GFI1B: variants seen among roughly 807,000 people sequenced by gnomAD.
The protein encoded by GFI1B is zinc finger protein Gfi-1b.
Under a neutral mutation model 35.3 loss-of-function variants are expected in GFI1B, and 20 were observed. The ratio of observed to expected loss-of-function variants is 0.57; its 90% CI spans 0.40 to 0.82. GFI1B has a LOEUF of 0.82. GFI1B is among the 40% of genes least tolerant of loss of function. GFI1B has a pLI of 0.00. For missense variants in GFI1B, 430 were observed against 446.3 expected (o/e 0.96, Z 0.33); for synonymous variants, 178 against 177.6 (o/e 1.00, Z -0.02).
intron 1 of GFI1B, among the ~76,000 whole-genome samples, chr9:132,982,924 A>G (rs1326039268): frequency 6.6e-6 from 1 of 152,142 alleles, no homozygotes; most frequent in Non-Finnish European, 1.5e-5. Flanking sequence ...GGAGAACCCC[A>G]GAAGCCAGCC....
intron 1 of GFI1B, among the ~76,000 whole-genome samples, chr9:132,980,124 T>C (rs939859764): frequency 6.6e-6 from 1 of 151,764 alleles, no homozygotes; most frequent in Non-Finnish European, 1.5e-5. Flanking sequence ...AGAGAGTTCT[T>C]GGGGAACATT....
chr9:132,975,939 G>C (rs968056749), upstream of GFI1B, among the ~76,000 whole-genome samples: 11 of 152,164 alleles, frequency 7.2e-5, no homozygotes, highest in Non-Finnish European at 1.5e-4. Context: ...GGGACTCCTG[G>C]CTTCAACTGC....
In GFI1B at chr9:132,991,210, A is replaced by G. The variant is rs1016984002; in HGVS notation, c.*160A>G. Reference sequence around the variant, plus strand: ...TGAAATTGCTGTGTGACCTTGGGCAAGTCACTTACCCTGTCTGGATCAACA... The same window carrying G: ...TGAAATTGCTGTGTGACCTTGGGCAGGTCACTTACCCTGTCTGGATCAACA... On this transcript the variant is annotated 3_prime_UTR_variant, in exon 7 of 7. Transcript: ENST00000372122. 110 of 681,764 alleles carry G rather than the reference A, an allele frequency of 1.6e-4. No individual in the cohort carries two copies. The highest frequency in any genetic ancestry group is 2.2e-4 in the Admixed American group (10 of 45,104). The allele number at this position is 681,764 out of a possible 1,614,324, so 42.2% of individuals were successfully genotyped here.
At chr9:132,990,813 C>T in intron 6 of GFI1B, 59 bp from the exon 7 acceptor site, 1 of 1,522,926 alleles carries the variant, frequency 6.6e-7, no homozygotes. Flanking sequence ...AGGGGAGCAG[C>T]AGGCCTGGTG....
chr9:132,975,727 A>C (rs11243967), upstream of GFI1B, among the ~76,000 whole-genome samples: 6,153 of 152,264 alleles, frequency 0.04, 210 homozygotes, highest in East Asian at 0.15. Context: ...AAAGGTACCT[A>C]ATGGTAACTG....
At chr9:132,949,751 A>T (rs1201521351) in intron 1 of GFI1B, 1 of 152,716 alleles carries the variant, frequency 6.5e-6, no homozygotes, top group Non-Finnish European at 1.5e-5. Context: ...AGCTGTGGCC[A>T]CAGAGAGGAA....
intron 1 of GFI1B, among the ~76,000 whole-genome samples, chr9:132,983,190 C>CTTTTT (rs66711864): frequency 1.3e-4 from 13 of 98,630 alleles, no homozygotes; most frequent in Admixed American, 2.6e-4. Flanking sequence ...TTTCTCCCTC[C>CTTTTT]TTTTTTTTTT....
chr9:132,977,606 C>A (rs1848668616), upstream of GFI1B, among the ~76,000 whole-genome samples: 1 of 152,172 alleles, frequency 6.6e-6, no homozygotes, highest in African/African-American at 2.4e-5. Flanking sequence ...GCGTTCTCAT[C>A]TTATGCAAAA....
rs996582904 is a variant in GFI1B at position 132,969,637 on chromosome 9, G to C, written c.-700-3088G>C. On this transcript the variant is annotated intron_variant, in intron 1 of 10. Transcript: ENST00000339463. ...TTCCGCGTGCCTTTCAGTGCGTTTG[G>C]GTCTATACCCGTGCGTGGGATTGCT... 2.0e-5 allele frequency among the ~76,000 whole-genome samples: 3 copies of C among 152,134 alleles called. 1 individual carries two copies. Among genetic ancestry groups the C allele is most frequent in the Admixed American group, 2.0e-4 (3 of 15,268 alleles).
intron 1 of GFI1B, among the ~76,000 whole-genome samples, chr9:132,950,033 C>T (rs1191052371): frequency 6.6e-6 from 1 of 152,022 alleles, no homozygotes; most frequent in African/African-American, 2.4e-5. Context: ...GATCACTTGA[C>T]CCCAGAATGT....
upstream of GFI1B, among the ~76,000 whole-genome samples, chr9:132,976,932 C>G (rs564629745): frequency 2.1e-4 from 32 of 152,126 alleles, no homozygotes; most frequent in Non-Finnish European, 3.4e-4. Context: ...ACAAAGCCAA[C>G]TCCTGTCTCT....
intron 1 of GFI1B, among the ~76,000 whole-genome samples, chr9:132,956,857 T>G (rs1042873794): frequency 1.3e-4 from 20 of 152,180 alleles, no homozygotes; most frequent in Non-Finnish European, 2.5e-4. Flanking sequence ...GGTGCTACAG[T>G]CATCCCAAGG....
At chr9:132,959,755 G>A (rs891970935) in intron 1 of GFI1B, among the ~76,000 whole-genome samples, 24 of 152,314 alleles carry the variant, frequency 1.6e-4, no homozygotes, top group Non-Finnish European at 2.9e-4. Flanking sequence ...AGCTTCTGGT[G>A]GTCACTGGCC....
At chr9:132,973,315 T>G (rs923376186) in intron 2 of GFI1B, among the ~76,000 whole-genome samples, 2 of 152,194 alleles carry the variant, frequency 1.3e-5, no homozygotes, top group Non-Finnish European at 2.9e-5. Flanking sequence ...CCAGCCCACC[T>G]GCACCTGCCG....
At chr9:132,969,274 G>A (rs567564551) in intron 1 of GFI1B, among the ~76,000 whole-genome samples, 7 of 152,148 alleles carry the variant, frequency 4.6e-5, no homozygotes, top group East Asian at 3.9e-4. Context: ...CAGGAGATCC[G>A]CCTGCCTCAG....
chr9:132,976,202 TG>T (rs1377108735), upstream of GFI1B, among the ~76,000 whole-genome samples: 1 of 149,798 alleles, frequency 6.7e-6, no homozygotes. Context: ...AGATAAACCA[TG>T]AAACCATTAA....
chr9:132,963,081 CAAAAAAA>C (rs763899545), intron 1 of GFI1B, among the ~76,000 whole-genome samples: 69 of 47,968 alleles, frequency 1.4e-3, no homozygotes, highest in Middle Eastern at 0.013. Context: ...GACTCCATCT[CAAAAAAA>C]AAAAAAAAAA....
At chr9:132,966,224 T>TGGC (rs1275757022) in intron 1 of GFI1B, among the ~76,000 whole-genome samples, 4 of 152,096 alleles carry the variant, frequency 2.6e-5, no homozygotes, top group Admixed American at 6.6e-5. Flanking sequence ...TCAGGTGTGG[T>TGGC]GGCGCGTACC....
At chr9:132,947,417 AAAAAAAAAAAAAAG>A (rs1449067085) in intron 1 of GFI1B, among the ~76,000 whole-genome samples, 2 of 135,408 alleles carry the variant, frequency 1.5e-5, no homozygotes, top group Non-Finnish European at 3.3e-5. Flanking sequence ...TCGAGCAAAA[AAAAAAAAAAAAAAG>A]AAAGAAAAAG....
Sources: allele counts gnomAD v4.1 joint callset (sites outside exome capture counted in the v4.1 genomes callset), GRCh38; gene constraint gnomAD v4.1.1; transcripts MANE v1.5; gene names NCBI Gene and HGNC (gene_info 2026-07-23, HGNC 2026-07-21).